AFAP1L1: variants seen among roughly 807,000 people sequenced by gnomAD.
The protein encoded by AFAP1L1 is actin filament associated protein 1 like 1.
Under a neutral mutation model 99.8 loss-of-function variants are expected in AFAP1L1, and 77 were observed. The ratio of observed to expected loss-of-function variants is 0.77; its 90% CI spans 0.64 to 0.93. AFAP1L1 has a LOEUF of 0.93. Among genes scored for constraint, AFAP1L1 ranks in the 40% least tolerant of loss-of-function variants. The pLI, the probability that AFAP1L1 is intolerant of heterozygous loss-of-function variation, is 0.00. For synonymous variants in AFAP1L1, 373 were observed against 395.3 expected (o/e 0.94, Z 0.67); for missense variants, 893 against 996.8 (o/e 0.90, Z 1.40).
intron 1 of AFAP1L1, among the ~76,000 whole-genome samples, chr5:149,278,508 A>G (rs1251862572): frequency 6.6e-6 from 1 of 152,200 alleles, no homozygotes; most frequent in African/African-American, 2.4e-5. Flanking sequence ...TGGGGGTCGA[A>G]TAAGTCTAGG....
chr5:149,300,628 CCCAGGTGATTG>C lies in AFAP1L1; in HGVS notation c.229+278_229+288del, dbSNP rs1235600327. Among the ~76,000 whole-genome samples, 5 of 152,376 alleles carry C rather than the reference CCCAGGTGATTG, an allele frequency of 3.3e-5. No individual in the cohort carries two copies. In the East Asian group the frequency reaches 9.6e-4, roughly 29 times the overall value. ...TTAGGGTGTTTCCTCACCGGCCACT[CCCAGGTGATTG>C]CCACTTGAGACACTGGGCTGAGCGA... On this transcript the variant is annotated intron_variant, in intron 3 of 18. Coordinates refer to ENST00000296721, the MANE Select transcript of AFAP1L1 (RefSeq NM_152406.4).
rs563383209 is a variant in AFAP1L1, at chr5:149,274,320, A to G, written c.16+2336A>G. The stretch of plus-strand genomic sequence containing the variant: ...AGTGCACCTCGAATTGATTACTTGT[A>G]CAGCAATACTTAGTAGTATTCTCTT... On this transcript the variant is annotated intron_variant, in intron 1 of 18. Transcript: ENST00000296721. Among the ~76,000 whole-genome samples the G allele has an allele frequency of 7.0e-4, 107 of 152,334 alleles. 3 individuals carry two copies. The South Asian group carries it at 0.015, about 22-fold the overall frequency.
intron 1 of AFAP1L1, among the ~76,000 whole-genome samples, chr5:149,288,109 C>G (rs1163801336): frequency 1.3e-5 from 2 of 152,244 alleles, no homozygotes; most frequent in Non-Finnish European, 2.9e-5. Flanking sequence ...ACCTAGGCCT[C>G]AGGCCAGACA....
rs141004478 is a variant in AFAP1L1 at position 149,271,947 on chromosome 5, C to T, written c.-22C>T. 4,975 of 1,230,478 alleles carry T rather than the reference C, an allele frequency of 4.0e-3. 13 individuals are homozygous for T. The highest frequency in any genetic ancestry group is 4.5e-3 in the Non-Finnish European group (4,414 of 985,666). 76.2% of individuals were successfully genotyped at this position (1,230,478 alleles called of 1,614,324 possible). A position where few individuals can be genotyped will look rare whatever the true frequency, so the allele number is the denominator to read the frequency against. ...GAGCCCCTGCGCCCTGCGGCCCGCT[C>T]CCCGGGGACCGGGCCGGCGCCATGG... On this transcript the variant is annotated 5_prime_UTR_variant, in exon 1 of 19. Coordinates refer to ENST00000296721, the MANE Select transcript of AFAP1L1 (RefSeq NM_152406.4).
chr5:149,296,010 A>C (rs1376278732), intron 1 of AFAP1L1, among the ~76,000 whole-genome samples: 4 of 152,352 alleles, frequency 2.6e-5, no homozygotes, highest in African/African-American at 7.2e-5. Flanking sequence ...GATACAACCC[A>C]CATAAAACAA....
At chr5:149,298,908 CT>C (rs1467300429) in intron 1 of AFAP1L1, among the ~76,000 whole-genome samples, 7 of 152,316 alleles carry the variant, frequency 4.6e-5, no homozygotes, top group Admixed American at 2.6e-4. Flanking sequence ...CCAGGTAATT[CT>C]TACACACACT....
chr5:149,294,060 G>T (rs1415094648), intron 1 of AFAP1L1, among the ~76,000 whole-genome samples: 1 of 152,188 alleles, frequency 6.6e-6, no homozygotes, highest in Non-Finnish European at 1.5e-5. Flanking sequence ...GATAACTAAT[G>T]ATATTTTTTT....
chr5:149,287,491 TA>T (rs1755719433), intron 1 of AFAP1L1, among the ~76,000 whole-genome samples: 1 of 152,114 alleles, frequency 6.6e-6, no homozygotes, highest in Non-Finnish European at 1.5e-5. Context: ...AATAACTAAA[TA>T]AAAATATGGC....
chr5:149,313,981 G>C (rs1157833658), intron 9 of AFAP1L1, among the ~76,000 whole-genome samples: 1 of 152,228 alleles, frequency 6.6e-6, no homozygotes, highest in Non-Finnish European at 1.5e-5. Flanking sequence ...GCCTATTAGA[G>C]TATCCCAGAA....
chr5:149,273,085 C>G (rs1018431609), intron 1 of AFAP1L1, among the ~76,000 whole-genome samples: 2 of 151,504 alleles, frequency 1.3e-5, no homozygotes, highest in African/African-American at 4.9e-5. Flanking sequence ...AAGTGGCCTG[C>G]TTGGACATGT....
intron 15 of AFAP1L1, among the ~76,000 whole-genome samples, chr5:149,328,729 G>A (rs569638559): frequency 4.6e-5 from 7 of 152,226 alleles, no homozygotes; most frequent in South Asian, 2.1e-4. Flanking sequence ...CAGGAGAATC[G>A]CTTGAACCCC....
At chr5:149,289,955 C>T (rs866333181) in intron 1 of AFAP1L1, among the ~76,000 whole-genome samples, 10 of 152,148 alleles carry the variant, frequency 6.6e-5, no homozygotes, top group African/African-American at 2.4e-4. Flanking sequence ...ATTTATGGGC[C>T]GGGTGCGGTG....
At chr5:149,313,659 A>G (rs1235888997) in intron 9 of AFAP1L1, among the ~76,000 whole-genome samples, 1 of 152,236 alleles carries the variant, frequency 6.6e-6, no homozygotes, top group African/African-American at 2.4e-5. Context: ...AAACAGGTGC[A>G]AGCCCTGCCC....
chr5:149,295,163 A>T (rs1561665484), intron 1 of AFAP1L1, among the ~76,000 whole-genome samples: 1 of 152,204 alleles, frequency 6.6e-6, no homozygotes, highest in Non-Finnish European at 1.5e-5. Context: ...CAGGACTGGC[A>T]GCCCCTCATT....
At chr5:149,338,652 G>A (rs991120035) in intron 18 of AFAP1L1, among the ~76,000 whole-genome samples, 12 of 152,218 alleles carry the variant, frequency 7.9e-5, no homozygotes, top group African/African-American at 2.4e-4. Flanking sequence ...ACCCAAAAAA[G>A]TCCCTGGTCT....
chr5:149,298,680 C>A (rs1007755575), intron 1 of AFAP1L1, among the ~76,000 whole-genome samples: 2 of 152,138 alleles, frequency 1.3e-5, no homozygotes, highest in African/African-American at 4.8e-5. Context: ...GGCTCTAAGG[C>A]AAACCAAGTC....
intron 6 of AFAP1L1, 68 bp from the exon 7 acceptor site, chr5:149,307,334 T>C: frequency 6.5e-7 from 1 of 1,539,418 alleles, no homozygotes; most frequent in Admixed American, 1.7e-5. Context: ...CAGGGATCGC[T>C]GCAGAGGGGT....
intron 4 of AFAP1L1, 144 bp from the exon 5 acceptor site, chr5:149,302,274 T>C: frequency 1.8e-6 from 1 of 545,066 alleles, no homozygotes; most frequent in Non-Finnish European, 3.2e-6. Context: ...CCCTCGAGTT[T>C]TACCAGCTCT....
chr5:149,293,756 C>G (rs763197557), intron 1 of AFAP1L1, among the ~76,000 whole-genome samples: 1 of 152,176 alleles, frequency 6.6e-6, no homozygotes, highest in African/African-American at 2.4e-5. Flanking sequence ...AATGTTTGTT[C>G]GAAGCACGGT....
Sources: allele counts gnomAD v4.1 joint callset (sites outside exome capture counted in the v4.1 genomes callset), GRCh38; gene constraint gnomAD v4.1.1; transcripts MANE v1.5; gene names NCBI Gene and HGNC (gene_info 2026-07-23, HGNC 2026-07-21).